IL1RAP: variants seen among roughly 807,000 people sequenced by gnomAD.
IL1RAP encodes the protein interleukin 1 receptor accessory protein, also known as interleukin-1 receptor accessory protein.
IL1RAP carries 35 observed loss-of-function variants against 60.7 expected under a neutral mutation model. The ratio of observed to expected loss-of-function variants is 0.58; its 90% CI spans 0.44 to 0.76. IL1RAP has a LOEUF of 0.76. IL1RAP is among the 30% of genes least tolerant of loss of function. The probability of loss-of-function intolerance (pLI) is 0.00; values close to 1 mark genes in which losing one functional copy is unlikely to be tolerated. For missense variants in IL1RAP, 572 were observed against 693.9 expected (o/e 0.82, Z 1.97); for synonymous variants, 268 against 250.9 (o/e 1.07, Z -0.64).
chr3:190,621,352 T>G (rs558357480), intron 6 of IL1RAP, among the ~76,000 whole-genome samples: 1 of 152,328 alleles, frequency 6.6e-6, no homozygotes, highest in Non-Finnish European at 1.5e-5. Context: ...CAAATAGTAT[T>G]CAAACAATGT....
At position 190,609,189 on chromosome 3, in the gene IL1RAP, A is replaced by C; in HGVS notation, c.537+8A>C. On this transcript the variant is annotated splice_region_variant and intron_variant, in intron 5 of 11. Coordinates refer to ENST00000447382, the MANE Select transcript of IL1RAP (RefSeq NM_002182.4). ...ACTATCACTTGGTATATGGTAAGGA[A>C]AATTAGACTACATTTTATTCTCTCT... The C allele has an allele frequency of 1.3e-6, 2 of 1,570,110 alleles. No individual in the cohort carries two copies. Among genetic ancestry groups the C allele is most frequent in the Non-Finnish European group, 1.7e-6 (2 of 1,150,140 alleles).
chr3:190,653,089 G>C (rs1734475040), downstream of IL1RAP, among the ~76,000 whole-genome samples: 1 of 152,154 alleles, frequency 6.6e-6, no homozygotes, highest in Admixed American at 6.5e-5. Flanking sequence ...TGTTTTAGTA[G>C]TAATTTTAAT....
intron 4 of IL1RAP, among the ~76,000 whole-genome samples, chr3:190,605,691 A>G (rs1380820246): frequency 3.3e-5 from 5 of 152,182 alleles, no homozygotes; most frequent in African/African-American, 9.6e-5. Context: ...TGGCTTGTAT[A>G]TGGCCATCTT....
intron 3 of IL1RAP, among the ~76,000 whole-genome samples, chr3:190,573,665 A>C (rs1018039497): frequency 6.6e-6 from 1 of 152,206 alleles, no homozygotes; most frequent in African/African-American, 2.4e-5. Flanking sequence ...TCTTCCTCTC[A>C]TTTATAATGC....
chr3:190,638,636 C>T (rs1277927029), intron 9 of IL1RAP, among the ~76,000 whole-genome samples: 1 of 152,030 alleles, frequency 6.6e-6, no homozygotes, highest in African/African-American at 2.4e-5. Flanking sequence ...TTAACTTCTT[C>T]TTTAATGATT....
intron 3 of IL1RAP, among the ~76,000 whole-genome samples, chr3:190,578,099 G>A (rs865841735): frequency 3.9e-5 from 6 of 152,038 alleles, no homozygotes; most frequent in African/African-American, 1.2e-4. Context: ...ACTACCTATC[G>A]GGTATCTATA....
intron 3 of IL1RAP, among the ~76,000 whole-genome samples, chr3:190,577,937 C>A (rs998745782): frequency 6.6e-6 from 1 of 152,144 alleles, no homozygotes; most frequent in South Asian, 2.1e-4. Flanking sequence ...TTTTCTGTTA[C>A]TACATTAATT....
In IL1RAP at chr3:190,575,819, C is replaced by T. The variant is rs184373627; in HGVS notation, c.64+11466C>T. On this transcript the variant is annotated intron_variant, in intron 3 of 11. Coordinates refer to ENST00000447382, the MANE Select transcript of IL1RAP (RefSeq NM_002182.4). ...AAGATTTCTGTTTTTCCCAGTATGG[C>T]GGACAAGGTCCTCTAAACACCCCTT... Among the ~76,000 whole-genome samples, 73 of 152,282 alleles carry T rather than the reference C, an allele frequency of 4.8e-4. 1 individual carries two copies. The highest frequency in any genetic ancestry group is 3.9e-3 in the Admixed American group (59 of 15,310).
chr3:190,583,523 A>G (rs1017027891), intron 3 of IL1RAP, among the ~76,000 whole-genome samples: 5 of 152,240 alleles, frequency 3.3e-5, no homozygotes, highest in Non-Finnish European at 7.3e-5. Flanking sequence ...TGTGCTGGGC[A>G]CTAAGCTGGA....
intron 9 of IL1RAP, among the ~76,000 whole-genome samples, chr3:190,640,772 G>C (rs1255518848): frequency 6.6e-6 from 1 of 152,120 alleles, no homozygotes; most frequent in Admixed American, 6.5e-5. Flanking sequence ...GGAAATTTGG[G>C]CTTTGAAGCC....
At chr3:190,552,717 T>C (rs1724968736) in intron 1 of IL1RAP, among the ~76,000 whole-genome samples, 1 of 152,150 alleles carries the variant, frequency 6.6e-6, no homozygotes, top group South Asian at 2.1e-4. Flanking sequence ...TTTTGGGGGT[T>C]CCATGAGAAA....
intron 3 of IL1RAP, among the ~76,000 whole-genome samples, chr3:190,572,444 A>AAG (rs35084810): frequency 0.26 from 39,903 of 151,606 alleles, 6,172 homozygotes; most frequent in Non-Finnish European, 0.36. Flanking sequence ...GGGAGAGAGG[A>AAG]AGAGAGAGAG....
chr3:190,559,572 T>C (rs2885371), intron 2 of IL1RAP, among the ~76,000 whole-genome samples: 13,789 of 152,214 alleles, frequency 0.091, 678 homozygotes, highest in East Asian at 0.13. Context: ...TGGTATGTTT[T>C]ATTTTATTTT....
At chr3:190,611,402 A>G (rs12636004) in intron 5 of IL1RAP, among the ~76,000 whole-genome samples, 87,773 of 152,034 alleles carry the variant, frequency 0.58, 28,172 homozygotes, top group East Asian at 0.82. Flanking sequence ...TAAAATCCAG[A>G]CTATGTGAAA....
chr3:190,633,593 A>G (rs962121551), intron 9 of IL1RAP, among the ~76,000 whole-genome samples: 5 of 152,002 alleles, frequency 3.3e-5, no homozygotes, highest in African/African-American at 9.7e-5. Context: ...CTGACCTCAG[A>G]TGATCCACCC....
At chr3:190,541,421 T>A (rs777037263) in intron 1 of IL1RAP, among the ~76,000 whole-genome samples, 1 of 152,154 alleles carries the variant, frequency 6.6e-6, no homozygotes, top group Non-Finnish European at 1.5e-5. Flanking sequence ...GAATTATGCT[T>A]CTTAGTTTTA....
At position 190,650,816 on chromosome 3, in the gene IL1RAP, A is replaced by G. The variant is rs1423407805; in HGVS notation, c.*2111A>G. On this transcript the variant is annotated 3_prime_UTR_variant, in exon 12 of 12. Coordinates refer to ENST00000447382, the MANE Select transcript of IL1RAP (RefSeq NM_002182.4). ...AGAACTTATTCCAGATAAGCTTTGAATATCAATTCTTACATAAACTTTAGG... is the reference window on the plus strand; with the variant it reads ...AGAACTTATTCCAGATAAGCTTTGAGTATCAATTCTTACATAAACTTTAGG... 3 of 984,840 alleles carry G rather than the reference A, an allele frequency of 3.0e-6. No homozygotes were observed. The highest frequency in any genetic ancestry group is 1.7e-5 in the African/African-American group (1 of 57,224). 61.0% of individuals were successfully genotyped at this position (984,840 alleles called of 1,614,324 possible).
rs780750392 is a variant in IL1RAP at position 190,656,657 on chromosome 3, G to A, written c.*50G>A. ...TACTATCTCTACCAACCCTCTGTAT[G>A]TCATGAACCTGTGGGAAAATCTGAC... On this transcript the variant is annotated 3_prime_UTR_variant, in exon 12 of 12. Coordinates refer to the IL1RAP transcript ENST00000317757. The A allele has an allele frequency of 2.3e-5, 24 of 1,058,052 alleles. No homozygotes were observed. The African/African-American group carries it at 2.4e-4, about 11-fold the overall frequency. 65.5% of individuals were successfully genotyped at this position (1,058,052 alleles called of 1,614,324 possible).
chr3:190,574,725 T>C (rs1169485033), intron 3 of IL1RAP, among the ~76,000 whole-genome samples: 1 of 152,222 alleles, frequency 6.6e-6, no homozygotes, highest in East Asian at 1.9e-4. Flanking sequence ...TGAAATTTGA[T>C]TGTGGTCTCA....
Sources: gnomAD v4.1 joint callset for allele counts (sites outside exome capture counted in the v4.1 genomes callset) on GRCh38, gnomAD v4.1.1 for gene constraint, MANE v1.5 for transcripts, NCBI Gene and HGNC (gene_info 2026-07-23, HGNC 2026-07-21) for gene names.